The following PPM1H variants were observed in gnomAD, a reference collection of about 807,000 sequenced individuals.
PPM1H encodes the protein protein phosphatase, Mg2+/Mn2+ dependent 1H.
In PPM1H, 27 loss-of-function variants were observed where a neutral mutation model predicts 54.9. The ratio of observed to expected loss-of-function variants is 0.49; its 90% CI spans 0.36 to 0.68. The LOEUF (loss-of-function observed/expected upper bound fraction) is 0.68. Among genes scored for constraint, PPM1H ranks in the 30% least tolerant of loss-of-function variants. The probability of loss-of-function intolerance (pLI) is 0.00; values close to 1 mark genes in which losing one functional copy is unlikely to be tolerated. For synonymous variants in PPM1H, 305 were observed against 270.8 expected, an observed-to-expected ratio of 1.13 and a Z score of -1.24; for missense variants, 596 against 667.8, an observed-to-expected ratio of 0.89 and a Z score of 1.19.
chr12:62,901,357 G>A (rs1438596968), intron 1 of PPM1H, among the ~76,000 whole-genome samples: 3 of 152,194 alleles, frequency 2.0e-5, no homozygotes, highest in African/African-American at 2.4e-5. Context: ...TGGAGGAAAA[G>A]ATTGAATATC....
intron 5 of PPM1H, among the ~76,000 whole-genome samples, chr12:62,736,126 G>C (rs1294957956): frequency 6.6e-6 from 1 of 152,196 alleles, no homozygotes; most frequent in Admixed American, 6.5e-5. Flanking sequence ...GAATAGAGTG[G>C]AGAAAGCCAG....
chr12:62,681,655 G>T (rs1258527506), intron 8 of PPM1H, among the ~76,000 whole-genome samples: 2 of 152,086 alleles, frequency 1.3e-5, no homozygotes, highest in African/African-American at 4.8e-5. Context: ...TTCTTTAGAT[G>T]ATATACTTCT....
chr12:62,835,211 G>A (rs897253708), intron 1 of PPM1H, among the ~76,000 whole-genome samples: 4 of 152,128 alleles, frequency 2.6e-5, no homozygotes, highest in African/African-American at 7.2e-5. Context: ...CATAAATCAC[G>A]AATCCCTGTC....
At chr12:62,779,364 T>C (rs1229963232) in intron 4 of PPM1H, among the ~76,000 whole-genome samples, 1 of 152,192 alleles carries the variant, frequency 6.6e-6, no homozygotes, top group Non-Finnish European at 1.5e-5. Context: ...TAATATTTCA[T>C]GGACACCTTG....
At chr12:62,706,712 C>G (rs1218491415) in intron 6 of PPM1H, among the ~76,000 whole-genome samples, 1 of 152,184 alleles carries the variant, frequency 6.6e-6, no homozygotes, top group Non-Finnish European at 1.5e-5. Flanking sequence ...CAGTTACACT[C>G]TTAACCACGC....
At chr12:62,883,549 A>G (rs980385431) in intron 1 of PPM1H, among the ~76,000 whole-genome samples, 1 of 152,184 alleles carries the variant, frequency 6.6e-6, no homozygotes. Flanking sequence ...TTACATCAAC[A>G]TAGCACCCAA....
At chr12:62,750,207 A>T (rs1255711736) in intron 4 of PPM1H, among the ~76,000 whole-genome samples, 1 of 152,214 alleles carries the variant, frequency 6.6e-6, no homozygotes, top group Non-Finnish European at 1.5e-5. Flanking sequence ...CATCACCATT[A>T]TCCAATTCCA....
intron 1 of PPM1H, among the ~76,000 whole-genome samples, chr12:62,839,852 A>T (rs1049869768): frequency 6.7e-6 from 1 of 149,414 alleles, no homozygotes; most frequent in Non-Finnish European, 1.5e-5. Flanking sequence ...AGCCTGGTCA[A>T]CATGGTGTGA....
At chr12:62,870,748 A>C (rs1321737810) in intron 1 of PPM1H, among the ~76,000 whole-genome samples, 1 of 152,252 alleles carries the variant, frequency 6.6e-6, no homozygotes, top group Non-Finnish European at 1.5e-5. Flanking sequence ...GAACATACGG[A>C]CAAAGGATGT....
intron 2 of PPM1H, among the ~76,000 whole-genome samples, chr12:62,813,054 C>A (rs1592612075): frequency 6.6e-6 from 1 of 152,040 alleles, no homozygotes; most frequent in South Asian, 2.1e-4. Flanking sequence ...CCAGCGTTAG[C>A]CATCTGGGTG....
intron 1 of PPM1H, among the ~76,000 whole-genome samples, chr12:62,853,965 C>T (rs1045974486): frequency 6.6e-6 from 1 of 152,034 alleles, no homozygotes; most frequent in Non-Finnish European, 1.5e-5. Context: ...CCAAGCTGCA[C>T]GTCATTCAAA....
At chr12:62,698,438 T>C (rs1238324918) in intron 6 of PPM1H, among the ~76,000 whole-genome samples, 1 of 152,100 alleles carries the variant, frequency 6.6e-6, no homozygotes, top group Non-Finnish European at 1.5e-5. Context: ...TATCTCAAAG[T>C]TTCCTTTTCC....
At chr12:62,857,222 TAACA>T (rs10546839) in intron 1 of PPM1H, among the ~76,000 whole-genome samples, 88,895 of 151,340 alleles carry the variant, frequency 0.59, 28,376 homozygotes, top group East Asian at 0.96. Context: ...TCAAATATTT[TAACA>T]AACAAACAAA....
intron 3 of PPM1H, among the ~76,000 whole-genome samples, chr12:62,790,978 G>A (rs979902838): frequency 6.6e-6 from 1 of 152,260 alleles, no homozygotes; most frequent in East Asian, 1.9e-4. Flanking sequence ...CATTGAGAGC[G>A]GTGGCCTTTC....
intron 6 of PPM1H, among the ~76,000 whole-genome samples, chr12:62,709,961 T>C (rs1251076683): frequency 1.3e-5 from 2 of 151,920 alleles, no homozygotes; most frequent in East Asian, 3.9e-4. Context: ...TCCCAGCTAC[T>C]CGGGAGGCCG....
intron 9 of PPM1H, among the ~76,000 whole-genome samples, chr12:62,659,601 C>T (rs2075870996): frequency 6.6e-6 from 1 of 152,142 alleles, no homozygotes; most frequent in South Asian, 2.1e-4. Flanking sequence ...ATGGCTGTCA[C>T]TAGGAGGTAA....
chr12:62,867,562 C>CTTTTTTTTTTT (rs1481926545), intron 1 of PPM1H, among the ~76,000 whole-genome samples: 4 of 101,876 alleles, frequency 3.9e-5, no homozygotes, highest in African/African-American at 1.4e-4. Context: ...CTTATGAGCA[C>CTTTTTTTTTTT]TATTTTTTTT....
intron 1 of PPM1H, among the ~76,000 whole-genome samples, chr12:62,866,650 T>C (rs1449416882): frequency 6.6e-6 from 1 of 152,142 alleles, no homozygotes; most frequent in African/African-American, 2.4e-5. Context: ...AATCTTCAGA[T>C]GCCTATGACT....
chr12:62,659,145 GC>G (rs2075865018), intron 9 of PPM1H: 1 of 734,316 alleles, frequency 1.4e-6, no homozygotes, highest in Non-Finnish European at 2.5e-6. Flanking sequence ...GAACTGCAAA[GC>G]CGTTGTGGAA....
Sources: gnomAD v4.1 joint callset for allele counts (sites outside exome capture counted in the v4.1 genomes callset) on GRCh38, gnomAD v4.1.1 for gene constraint, MANE v1.5 for transcripts, NCBI Gene and HGNC (gene_info 2026-07-23, HGNC 2026-07-21) for gene names.